Variants in TBC1D23 observed in about 807,000 individuals in gnomAD.
TBC1D23 encodes HCV non-structural protein 4A-transactivated protein 1.
Under a neutral mutation model 91.4 loss-of-function variants are expected in TBC1D23, and 55 were observed. The observed-to-expected ratio is 0.60, with a 90% CI of 0.48 to 0.75. TBC1D23 has a LOEUF of 0.75. Ranked by LOEUF, TBC1D23 falls within the 30% of genes least tolerant of loss-of-function variation. TBC1D23 has a pLI of 0.00. For synonymous variants in TBC1D23, 289 were observed against 281.0 expected (o/e 1.03, Z -0.28); for missense variants, 725 against 836.1 (o/e 0.87, Z 1.64).
Position 100,323,655 on chromosome 3 carries a change from C to A in TBC1D23, c.2087C>A (p.Ala696Asp). 6.6e-7 allele frequency: 1 copy of A among 1,516,842 alleles called. No individual in the cohort carries two copies. Among genetic ancestry groups the A allele is most frequent in the South Asian group, 1.4e-5 (1 of 73,888 alleles). The allele number at this position is 1,516,842 out of a possible 1,614,324, so 94.0% of individuals were successfully genotyped here. ...CAGCAGATCATGAAAGTTTTGGATG[C>A]TTTGGAAAGTTAATATAAAAGAAAA... ...IKQQIMKVLD[A>D]LES is the part of the protein sequence containing the mutation. The change falls in exon 19 of 19, where the codon GCT becomes GAT. Residue 696 changes from alanine (A) to aspartate (D), a missense_variant. Coordinates refer to ENST00000394144, the MANE Select transcript of TBC1D23 (RefSeq NM_001199198.3).
intron 13 of TBC1D23, 137 bp from the exon 14 acceptor site, chr3:100,310,266 A>G: frequency 2.7e-6 from 2 of 744,040 alleles, no homozygotes; most frequent in Non-Finnish European, 2.2e-6. Flanking sequence ...TCACATTCTG[A>G]GATATACTGG....
intron 17 of TBC1D23, among the ~76,000 whole-genome samples, chr3:100,319,724 G>A (rs540654478): frequency 6.6e-6 from 1 of 152,094 alleles, no homozygotes; most frequent in African/African-American, 2.4e-5. Context: ...CACCGTGGCC[G>A]GCCATGATTC....
intron 1 of TBC1D23, among the ~76,000 whole-genome samples, chr3:100,264,887 C>T (rs528457452): frequency 6.6e-6 from 1 of 152,280 alleles, no homozygotes; most frequent in Non-Finnish European, 1.5e-5. Context: ...TGTTAAAATG[C>T]TCTCCAGGTA....
At chr3:100,321,737 G>C (rs1705861432) in intron 18 of TBC1D23, among the ~76,000 whole-genome samples, 1 of 151,644 alleles carries the variant, frequency 6.6e-6, no homozygotes. Flanking sequence ...AAATTATTCA[G>C]CTTCTTTCAT....
rs553645323 is a variant in TBC1D23 at position 100,325,121 on chromosome 3, T to C, written c.*1453T>C. The C allele has an allele frequency of 1.3e-5, 2 of 152,358 alleles. No individual in the cohort carries two copies. Among genetic ancestry groups the C allele is most frequent in the South Asian group, 4.1e-4 (2 of 4,830 alleles). 9.4% of individuals were successfully genotyped at this position (152,358 alleles called of 1,614,324 possible). ...TCTTGGCACCCCTTTAGAAATGTAC[T>C]GAAGTCTCATTTTTCACCCATTTCA... is the stretch of plus-strand genomic sequence containing the variant. On this transcript the variant is annotated 3_prime_UTR_variant, in exon 19 of 19. Coordinates refer to ENST00000394144, the MANE Select transcript of TBC1D23 (RefSeq NM_001199198.3).
chr3:100,299,151 C>A, intron 9 of TBC1D23, 88 bp from the exon 10 acceptor site: 2 of 790,608 alleles, frequency 2.5e-6, no homozygotes, highest in Non-Finnish European at 2.1e-6. Context: ...TGAACTTGTT[C>A]CCTTTATTTG....
intron 3 of TBC1D23, among the ~76,000 whole-genome samples, chr3:100,282,923 G>A (rs1382987407): frequency 6.6e-6 from 1 of 151,994 alleles, no homozygotes; most frequent in African/African-American, 2.4e-5. Context: ...TATAGATCAG[G>A]TATTACTAAG....
At chr3:100,282,086 A>G (rs928693372) in intron 3 of TBC1D23, among the ~76,000 whole-genome samples, 2 of 152,206 alleles carry the variant, frequency 1.3e-5, no homozygotes, top group Non-Finnish European at 2.9e-5. Flanking sequence ...CAAGGCAGAC[A>G]GATCACTTGA....
In TBC1D23 at chr3:100,270,410, A is replaced by G. The variant is rs554691061; in HGVS notation, c.54-9239A>G. On this transcript the variant is annotated intron_variant, in intron 1 of 18. Coordinates refer to ENST00000394144, the MANE Select transcript of TBC1D23 (RefSeq NM_001199198.3). ...AATGACTTCTGAGAGCACCTTTAGT[A>G]GAGTGATAGAGGTTTTGGGTGAATG... Among the ~76,000 whole-genome samples the G allele has an allele frequency of 2.0e-5, 3 of 152,310 alleles. No individual in the cohort carries two copies. In the South Asian group the frequency reaches 6.2e-4, roughly 32 times the overall value.
At position 100,314,168 on chromosome 3, in the gene TBC1D23, G is replaced by A. The variant is rs534012893; in HGVS notation, c.1599-1931G>A. The stretch of plus-strand genomic sequence containing the variant: ...AGCTGGAGTGCAGTGGCGCAATCTC[G>A]GCTCACTGCAACCTGTGCCTCCTGG... On this transcript the variant is annotated intron_variant, in intron 15 of 18. Coordinates refer to ENST00000394144, the MANE Select transcript of TBC1D23 (RefSeq NM_001199198.3). Among the ~76,000 whole-genome samples the A allele has an allele frequency of 4.9e-4, 66 of 134,028 alleles. 1 individual carries two copies. The South Asian group carries it at 0.01, about 21-fold the overall frequency. 87.9% of individuals were successfully genotyped at this position (134,028 alleles called of 152,430 possible).
rs569427327 is a variant in TBC1D23 at position 100,265,023 on chromosome 3, A to G, written c.53+3952A>G. On this transcript the variant is annotated intron_variant, in intron 1 of 18. Coordinates refer to ENST00000394144, the MANE Select transcript of TBC1D23 (RefSeq NM_001199198.3). Reference sequence around the variant, plus strand: ...TTAAGTTAGCAGGGTTCTAGGTTATATATATATCAGAATGAGTAGGTCAGA... The same window carrying G: ...TTAAGTTAGCAGGGTTCTAGGTTATGTATATATCAGAATGAGTAGGTCAGA... Among the ~76,000 whole-genome samples the G allele has an allele frequency of 2.0e-5, 3 of 152,318 alleles. No individual in the cohort carries two copies. The South Asian group carries it at 6.2e-4, about 32-fold the overall frequency.
intron 15 of TBC1D23, among the ~76,000 whole-genome samples, chr3:100,314,091 A>T (rs943518289): frequency 6.7e-4 from 63 of 94,598 alleles, no homozygotes; most frequent in Non-Finnish European, 1.0e-3. Flanking sequence ...AGGCTACAAA[A>T]TTTTTTTTTT....
At chr3:100,289,284 A>G (rs1002914216) in intron 4 of TBC1D23, among the ~76,000 whole-genome samples, 7 of 152,198 alleles carry the variant, frequency 4.6e-5, no homozygotes, top group African/African-American at 1.4e-4. Context: ...ATCCACTACC[A>G]AATATCTGGT....
At chr3:100,311,558 A>G (rs1015671697) in intron 14 of TBC1D23, among the ~76,000 whole-genome samples, 2 of 152,180 alleles carry the variant, frequency 1.3e-5, no homozygotes, top group East Asian at 3.8e-4. Context: ...GAGGACTATT[A>G]TTGCTACATT....
intron 1 of TBC1D23, among the ~76,000 whole-genome samples, chr3:100,267,974 C>T (rs1271457421): frequency 1.3e-5 from 2 of 152,024 alleles, no homozygotes; most frequent in African/African-American, 4.8e-5. Context: ...AGTTCGAGAC[C>T]ATCCTGGGCA....
At chr3:100,312,222 C>T (rs1705636475) in intron 15 of TBC1D23, among the ~76,000 whole-genome samples, 1 of 152,124 alleles carries the variant, frequency 6.6e-6, no homozygotes, top group African/African-American at 2.4e-5. Flanking sequence ...TGCTTTGGTG[C>T]TCATTTGCTT....
At chr3:100,271,408 A>C (rs2067598204) in intron 1 of TBC1D23, among the ~76,000 whole-genome samples, 1 of 152,190 alleles carries the variant, frequency 6.6e-6, no homozygotes, top group South Asian at 2.1e-4. Flanking sequence ...CTCAGAAGAA[A>C]GAGCCAGTAG....
intron 1 of TBC1D23, among the ~76,000 whole-genome samples, chr3:100,272,443 C>T (rs2067607388): frequency 6.6e-6 from 1 of 152,180 alleles, no homozygotes; most frequent in Middle Eastern, 3.4e-3. Flanking sequence ...ACATTCCATC[C>T]TCATGGATAG....
At chr3:100,261,180 C>T (rs879109258) in intron 1 of TBC1D23, 109 bp downstream of exon 1, 18 of 1,127,504 alleles carry the variant, frequency 1.6e-5, no homozygotes, top group South Asian at 9.3e-5. Context: ...AGAGGCCGGT[C>T]CTAGGCGAAG....
Sources: gnomAD v4.1 joint callset for allele counts (sites outside exome capture counted in the v4.1 genomes callset) on GRCh38, gnomAD v4.1.1 for gene constraint, MANE v1.5 for transcripts, NCBI Gene and HGNC (gene_info 2026-07-23, HGNC 2026-07-21) for gene names.